Variants in WIPF3 observed in about 807,000 individuals in gnomAD.
WIPF3 encodes the protein WAS/WASL-interacting protein family member 3.
A neutral mutation model predicts 38.9 loss-of-function variants in WIPF3; 33 were observed. That is an observed-to-expected ratio of 0.85 (90% CI 0.64 to 1.14). The LOEUF (loss-of-function observed/expected upper bound fraction) is 1.14. WIPF3 is among the 50% of genes most tolerant of loss of function. WIPF3 has a pLI of 0.00. For missense variants in WIPF3, 711 were observed against 652.5 expected, an observed-to-expected ratio of 1.09 and a Z score of -0.98; for synonymous variants, 324 against 269.3, an observed-to-expected ratio of 1.20 and a Z score of -1.99.
rs1056598284 is a variant in WIPF3, at chr7:29,910,658, G to A, written c.1429-3835G>A. 1.9e-4 allele frequency among the ~76,000 whole-genome samples: 29 copies of A among 151,572 alleles called. 1 individual carries two copies. Among genetic ancestry groups the A allele is most frequent in the Admixed American group, 5.9e-4 (9 of 15,236 alleles). ...ATATATTGCATTAATAGGATGAAGGGAAAAAAACACATGATCATCTCAATT... is the reference window on the plus strand; with the variant it reads ...ATATATTGCATTAATAGGATGAAGGAAAAAAAACACATGATCATCTCAATT... On this transcript the variant is annotated intron_variant, in intron 8 of 8. Coordinates refer to ENST00000242140, the MANE Select transcript of WIPF3 (RefSeq NM_001080529.3).
chr7:29,875,768 G>A, intron 2 of WIPF3, 62 bp from the exon 3 acceptor site: 2 of 1,584,836 alleles, frequency 1.3e-6, no homozygotes, highest in South Asian at 2.3e-5. Context: ...ACTGACAGCA[G>A]ACAGGACATT....
chr7:29,816,825 A>G (rs1454183953), intron 1 of WIPF3, among the ~76,000 whole-genome samples: 1 of 152,156 alleles, frequency 6.6e-6, no homozygotes, highest in Non-Finnish European at 1.5e-5. Context: ...TTTTCCTATT[A>G]AAACAAATGC....
rs568167168 is a variant in WIPF3 at position 29,848,851 on chromosome 7, G to A, written c.90+14037G>A. Reference sequence around the variant, plus strand: ...TTGATAATTGTTGAAGGTGGATGATGATGCCTGGAGGCTCAATTGTACTAC... The same window carrying A: ...TTGATAATTGTTGAAGGTGGATGATAATGCCTGGAGGCTCAATTGTACTAC... On this transcript the variant is annotated intron_variant, in intron 2 of 8. Transcript: ENST00000242140. Among the ~76,000 whole-genome samples, 218 of 152,202 alleles carry A rather than the reference G, an allele frequency of 1.4e-3. 1 individual carries two copies. The highest frequency in any genetic ancestry group is 5.1e-3 in the African/African-American group (211 of 41,526).
At chr7:29,886,812 G>A (rs535699147) in intron 5 of WIPF3, among the ~76,000 whole-genome samples, 1 of 152,120 alleles carries the variant, frequency 6.6e-6, no homozygotes, top group African/African-American at 2.4e-5. Flanking sequence ...CTTTCACATA[G>A]GATTATTAGG....
At chr7:29,890,242 C>T (rs1785975612) in intron 7 of WIPF3, among the ~76,000 whole-genome samples, 1 of 151,820 alleles carries the variant, frequency 6.6e-6, no homozygotes, top group Non-Finnish European at 1.5e-5. Flanking sequence ...GTCCCAGCTT[C>T]TTGGGAGCCT....
chr7:29,861,970 A>G lies in WIPF3; in HGVS notation c.91-13860A>G, dbSNP rs182673148. Among the ~76,000 whole-genome samples, 137 of 152,356 alleles carry G rather than the reference A, an allele frequency of 9.0e-4. 1 individual carries two copies. Among genetic ancestry groups the G allele is most frequent in the African/African-American group, 3.1e-3 (127 of 41,588 alleles). ...TTTGAGCCAGACAGAGCCATTGTCC[A>G]TTCTTACGCAGAAGAGGGACTGATG... On this transcript the variant is annotated intron_variant, in intron 2 of 8. Coordinates refer to ENST00000242140, the MANE Select transcript of WIPF3 (RefSeq NM_001080529.3).
intron 4 of WIPF3, 96 bp from the exon 5 acceptor site, chr7:29,883,754 A>G (rs1785771090): frequency 6.8e-7 from 1 of 1,464,586 alleles, no homozygotes; most frequent in East Asian, 2.5e-5. Context: ...AGTGCAGCTC[A>G]CTGCGGGCAG....
chr7:29,846,104 A>T (rs1395141712), intron 2 of WIPF3, among the ~76,000 whole-genome samples: 1 of 152,268 alleles, frequency 6.6e-6, no homozygotes, highest in Admixed American at 6.5e-5. Flanking sequence ...ATGCAGTTAT[A>T]TCAGAAGTAA....
intron 2 of WIPF3, among the ~76,000 whole-genome samples, chr7:29,855,136 G>C (rs1198334539): frequency 1.3e-5 from 2 of 152,326 alleles, no homozygotes; most frequent in East Asian, 1.9e-4. Flanking sequence ...CCATTAACCT[G>C]AGGAAAGGCT....
intron 1 of WIPF3, among the ~76,000 whole-genome samples, chr7:29,813,307 T>C (rs1436484975): frequency 6.6e-6 from 1 of 152,232 alleles, no homozygotes; most frequent in Non-Finnish European, 1.5e-5. Flanking sequence ...CGGTGCTGTT[T>C]TTAGAACACA....
intron 3 of WIPF3, among the ~76,000 whole-genome samples, chr7:29,877,060 CT>C (rs1441163485): frequency 1.3e-5 from 2 of 152,130 alleles, no homozygotes; most frequent in Non-Finnish European, 1.5e-5. Context: ...GACATGATGC[CT>C]CATGTGAATG....
At chr7:29,847,512 T>C (rs1026434827) in intron 2 of WIPF3, among the ~76,000 whole-genome samples, 3 of 152,198 alleles carry the variant, frequency 2.0e-5, no homozygotes. Context: ...GTAGCGGAAA[T>C]TATCTATTTT....
intron 2 of WIPF3, among the ~76,000 whole-genome samples, chr7:29,859,911 A>G (rs1451925353): frequency 6.6e-6 from 1 of 152,198 alleles, no homozygotes; most frequent in Non-Finnish European, 1.5e-5. Context: ...TTCAATAAAC[A>G]GAATTGGAGA....
chr7:29,834,539 A>C, intron 1 of WIPF3, 129 bp from the exon 2 acceptor site: 1 of 887,106 alleles, frequency 1.1e-6, no homozygotes, highest in Non-Finnish European at 1.6e-6. Flanking sequence ...AAATGAATGA[A>C]CAAATGAGTG....
intron 2 of WIPF3, among the ~76,000 whole-genome samples, chr7:29,850,857 C>T (rs1056566374): frequency 1.3e-5 from 2 of 152,204 alleles, no homozygotes; most frequent in African/African-American, 2.4e-5. Flanking sequence ...ACCTGGCTCC[C>T]GAGTTTAGTC....
At chr7:29,813,038 C>T (rs117397972) in intron 1 of WIPF3, among the ~76,000 whole-genome samples, 417 of 152,312 alleles carry the variant, frequency 2.7e-3, no homozygotes, top group East Asian at 0.017. Flanking sequence ...ATTCTCTCTG[C>T]TCATTGACCA....
intron 5 of WIPF3, among the ~76,000 whole-genome samples, chr7:29,885,074 C>T (rs1476561820): frequency 6.6e-6 from 1 of 152,220 alleles, no homozygotes; most frequent in East Asian, 1.9e-4. Flanking sequence ...ATCTGGATCC[C>T]AGCCAGAATC....
At chr7:29,827,955 T>C (rs1423166145) in intron 1 of WIPF3, among the ~76,000 whole-genome samples, 4 of 152,166 alleles carry the variant, frequency 2.6e-5, no homozygotes, top group Middle Eastern at 3.4e-3. Context: ...ACCACCACAC[T>C]TGGCTAATTT....
rs1439955580 is a variant in WIPF3, at chr7:29,818,440, G to A, written c.-58+11762G>A. On this transcript the variant is annotated intron_variant, in intron 1 of 8. Transcript: ENST00000242140. ...TGCACTCCAACCTGGGAGACAGAGC[G>A]AGACTCCATCTCAAAAAAAATAATT... 3.3e-5 allele frequency among the ~76,000 whole-genome samples: 5 copies of A among 150,946 alleles called. No homozygotes were observed. In the South Asian group the frequency reaches 8.3e-4, roughly 25 times the overall value.
Sources: allele counts gnomAD v4.1 joint callset (sites outside exome capture counted in the v4.1 genomes callset), GRCh38; gene constraint gnomAD v4.1.1; transcripts MANE v1.5; gene names NCBI Gene and HGNC (gene_info 2026-07-23, HGNC 2026-07-21).